Variants in NTM observed in about 807,000 individuals in gnomAD.
NTM encodes IgLON family member 2.
In NTM, 13 loss-of-function variants were observed where a neutral mutation model predicts 42.1. The ratio of observed to expected loss-of-function variants is 0.31; its 90% CI spans 0.20 to 0.49. NTM has a LOEUF of 0.49. Among genes scored for constraint, NTM ranks in the 20% least tolerant of loss-of-function variants. The pLI is 0.99. For missense variants in NTM, 373 were observed against 452.8 expected, an observed-to-expected ratio of 0.82 and a Z score of 1.60; for synonymous variants, 187 against 179.2, an observed-to-expected ratio of 1.04 and a Z score of -0.35.
intron 2 of NTM, among the ~76,000 whole-genome samples, chr11:131,918,366 C>T (rs770770320): frequency 6.6e-6 from 1 of 152,188 alleles, no homozygotes; most frequent in African/African-American, 2.4e-5. Flanking sequence ...CCACACCTTG[C>T]GTTCTTATGC....
At chr11:131,488,381 C>T (rs1163662221) in intron 1 of NTM, among the ~76,000 whole-genome samples, 1 of 152,202 alleles carries the variant, frequency 6.6e-6, no homozygotes, top group African/African-American at 2.4e-5. Flanking sequence ...GAACCCTGAT[C>T]TCTGCACATG....
At chr11:131,693,001 A>G (rs1038253439) in intron 1 of NTM, among the ~76,000 whole-genome samples, 3 of 151,104 alleles carry the variant, frequency 2.0e-5, no homozygotes, top group African/African-American at 7.3e-5. Flanking sequence ...AAGTATTTAT[A>G]GTAGTAATGG....
intron 1 of NTM, among the ~76,000 whole-genome samples, chr11:131,706,576 C>T (rs995744003): frequency 5.9e-5 from 9 of 151,952 alleles, no homozygotes; most frequent in African/African-American, 2.2e-4. Flanking sequence ...CAGGATTGAT[C>T]ATATACTAGG....
intron 1 of NTM, among the ~76,000 whole-genome samples, chr11:131,740,817 C>T (rs2081086007): frequency 6.6e-6 from 1 of 152,142 alleles, no homozygotes; most frequent in African/African-American, 2.4e-5. Context: ...GGCTCAGGCA[C>T]AGTGTAATGG....
intron 2 of NTM, among the ~76,000 whole-genome samples, chr11:131,984,317 A>T (rs1353776296): frequency 6.6e-6 from 1 of 152,246 alleles, no homozygotes; most frequent in East Asian, 1.9e-4. Context: ...AAGTCCTTTT[A>T]AATGGGGTAG....
intron 1 of NTM, among the ~76,000 whole-genome samples, chr11:131,800,991 C>T (rs2136227031): frequency 6.6e-6 from 1 of 152,190 alleles, no homozygotes; most frequent in Middle Eastern, 3.4e-3. Context: ...TAGGAAATTG[C>T]TATAATTTCT....
chr11:132,239,200 A>G (rs2139176060), intron 4 of NTM, among the ~76,000 whole-genome samples: 1 of 152,326 alleles, frequency 6.6e-6, no homozygotes, highest in Non-Finnish European at 1.5e-5. Flanking sequence ...TATATTACCA[A>G]TTGAGAAAGA....
chr11:132,000,220 A>C (rs1364952195), intron 2 of NTM, among the ~76,000 whole-genome samples: 2 of 152,168 alleles, frequency 1.3e-5, no homozygotes, highest in Admixed American at 6.5e-5. Flanking sequence ...TCTGATTTCT[A>C]GGCTGAGCTT....
intron 1 of NTM, among the ~76,000 whole-genome samples, chr11:131,761,852 TAAATAAA>T (rs1565514788): frequency 1.5e-5 from 2 of 131,548 alleles, no homozygotes; most frequent in Non-Finnish European, 3.3e-5. Context: ...AATAAATAAA[TAAATAAA>T]TAATAAATGC....
intron 1 of NTM, among the ~76,000 whole-genome samples, chr11:131,549,084 T>C (rs2054310310): frequency 6.6e-6 from 1 of 152,204 alleles, no homozygotes; most frequent in African/African-American, 2.4e-5. Context: ...CTCCACCATT[T>C]ACTACACTTT....
At chr11:131,618,938 T>C (rs915485309) in intron 1 of NTM, among the ~76,000 whole-genome samples, 2 of 152,240 alleles carry the variant, frequency 1.3e-5, no homozygotes, top group Non-Finnish European at 2.9e-5. Flanking sequence ...TTGTCTGGCA[T>C]GTTTTCAGAG....
chr11:132,019,047 A>G (rs1295380068), intron 2 of NTM, among the ~76,000 whole-genome samples: 4 of 151,944 alleles, frequency 2.6e-5, no homozygotes, highest in African/African-American at 7.2e-5. Context: ...CTGAAAACGT[A>G]GAGTCTTTAC....
intron 7 of NTM, among the ~76,000 whole-genome samples, chr11:132,315,755 T>G (rs967372134): frequency 6.6e-6 from 1 of 152,124 alleles, no homozygotes; most frequent in African/African-American, 2.4e-5. Context: ...CATTACATCC[T>G]CCTGCATTCT....
chr11:132,027,753 C>T (rs2075375488), intron 2 of NTM, among the ~76,000 whole-genome samples: 1 of 152,182 alleles, frequency 6.6e-6, no homozygotes, highest in African/African-American at 2.4e-5. Flanking sequence ...GTTCTCTGAG[C>T]ATCCTGAAAC....
chr11:131,467,866 C>T (rs1952045518), intron 1 of NTM, among the ~76,000 whole-genome samples: 1 of 152,138 alleles, frequency 6.6e-6, no homozygotes, highest in South Asian at 2.1e-4. Flanking sequence ...TGAGCTGTTC[C>T]CCCAGCCACT....
chr11:131,622,887 G>T (rs1392932262), intron 1 of NTM, among the ~76,000 whole-genome samples: 1 of 152,168 alleles, frequency 6.6e-6, no homozygotes, highest in Admixed American at 6.5e-5. Context: ...TTTTGCATTT[G>T]TCACTAACAC....
At chr11:131,662,820 C>T (rs138969982) in intron 1 of NTM, among the ~76,000 whole-genome samples, 32 of 152,098 alleles carry the variant, frequency 2.1e-4, no homozygotes, top group Middle Eastern at 3.4e-3. Flanking sequence ...CAGCTTGGGG[C>T]GGGGAACGCT....
intron 1 of NTM, among the ~76,000 whole-genome samples, chr11:131,889,933 G>A (rs1263507115): frequency 3.3e-5 from 5 of 152,000 alleles, no homozygotes; most frequent in African/African-American, 7.3e-5. Context: ...TTCCTACTTA[G>A]GCATGCATTT....
intron 1 of NTM, among the ~76,000 whole-genome samples, chr11:131,379,780 A>G (rs1942418713): frequency 6.6e-6 from 1 of 152,150 alleles, no homozygotes; most frequent in African/African-American, 2.4e-5. Flanking sequence ...TACTAGGTTA[A>G]ATATTCCAAG....
Sources: gnomAD v4.1 joint callset for allele counts (sites outside exome capture counted in the v4.1 genomes callset) on GRCh38, gnomAD v4.1.1 for gene constraint, MANE v1.5 for transcripts, NCBI Gene and HGNC (gene_info 2026-07-23, HGNC 2026-07-21) for gene names.